Variants in PRLR observed in about 807,000 individuals in gnomAD.
PRLR encodes prolactin receptor.
PRLR carries 13 observed loss-of-function variants against 40.2 expected under a neutral mutation model. The observed-to-expected ratio is 0.32, with a 90% confidence interval of 0.21 to 0.51. The LOEUF (loss-of-function observed/expected upper bound fraction) is 0.51. Among genes scored for constraint, PRLR ranks in the 20% least tolerant of loss-of-function variants. The pLI is 0.97. For missense variants in PRLR, 656 were observed against 747.3 expected (o/e 0.88, Z 1.42); for synonymous variants, 269 against 278.7 (o/e 0.97, Z 0.35).
At position 35,084,469 on chromosome 5, in the gene PRLR, C is replaced by A; in HGVS notation, c.373+1G>T. On this transcript the variant is annotated splice_donor_variant, in intron 5 of 9. Coordinates refer to ENST00000618457, the MANE Select transcript of PRLR (RefSeq NM_000949.7). LOFTEE classifies it high-confidence loss of function. ...TCCTCACCCACTTTCCTTCCCCTTA[C>A]CTATGTAAGTCACGTCCACATAAAG... The A allele has an allele frequency of 6.4e-7, 1 of 1,560,772 alleles. No individual in the cohort carries two copies. Among genetic ancestry groups the A allele is most frequent in the Non-Finnish European group, 8.6e-7 (1 of 1,161,144 alleles).
At chr5:35,179,176 G>C (rs900084997) in intron 1 of PRLR, among the ~76,000 whole-genome samples, 2 of 152,142 alleles carry the variant, frequency 1.3e-5, no homozygotes, top group Non-Finnish European at 2.9e-5. Context: ...AGTTTTGAGA[G>C]AGAAAAACAC....
chr5:35,204,285 TTA>T (rs761727265), intron 1 of PRLR, among the ~76,000 whole-genome samples: 75 of 151,932 alleles, frequency 4.9e-4, no homozygotes, highest in Non-Finnish European at 8.5e-4. Context: ...GAATGTAATG[TTA>T]TCTTACTCTT....
At chr5:35,078,988 G>C (rs945406949) in intron 5 of PRLR, among the ~76,000 whole-genome samples, 9 of 152,090 alleles carry the variant, frequency 5.9e-5, no homozygotes, top group African/African-American at 1.9e-4. Context: ...TGCAGAAAAG[G>C]CCTTTGACAA....
intron 1 of PRLR, among the ~76,000 whole-genome samples, chr5:35,121,104 A>T (rs183328453): frequency 6.6e-6 from 1 of 152,242 alleles, no homozygotes; most frequent in East Asian, 1.9e-4. Context: ...TGTAAAAACC[A>T]TGGGGGGGTA....
chr5:35,099,113 T>C (rs1394692392), intron 2 of PRLR, among the ~76,000 whole-genome samples: 2 of 152,260 alleles, frequency 1.3e-5, no homozygotes, highest in Non-Finnish European at 2.9e-5. Context: ...CATCAGAATT[T>C]GGTTTTCTTT....
At chr5:35,192,302 G>A (rs188385277) in intron 1 of PRLR, among the ~76,000 whole-genome samples, 49 of 152,230 alleles carry the variant, frequency 3.2e-4, no homozygotes, top group African/African-American at 1.2e-3. Flanking sequence ...GTTCTTTAAT[G>A]TCCCTGGAAA....
chr5:35,218,175 G>C (rs1422894878), intron 1 of PRLR, among the ~76,000 whole-genome samples: 4 of 152,078 alleles, frequency 2.6e-5, no homozygotes, highest in Admixed American at 2.6e-4. Context: ...CTATATGTAT[G>C]GATTTCTGTT....
chr5:35,129,503 A>G (rs543097609), intron 1 of PRLR, among the ~76,000 whole-genome samples: 1 of 152,256 alleles, frequency 6.6e-6, no homozygotes, highest in South Asian at 2.1e-4. Flanking sequence ...GATTTACACA[A>G]AGGTCAAGGG....
intron 3 of PRLR, among the ~76,000 whole-genome samples, chr5:35,087,424 G>C (rs990559685): frequency 1.4e-5 from 2 of 138,258 alleles, no homozygotes; most frequent in Non-Finnish European, 3.2e-5. Flanking sequence ...TCTTTCCTTT[G>C]TGTGTGTGTG....
chr5:35,131,182 C>A (rs1773657558), intron 1 of PRLR, among the ~76,000 whole-genome samples: 1 of 152,118 alleles, frequency 6.6e-6, no homozygotes, highest in Non-Finnish European at 1.5e-5. Context: ...CTTATATGAA[C>A]CAATTTAAAA....
intron 1 of PRLR, among the ~76,000 whole-genome samples, chr5:35,154,782 G>A (rs1011321474): frequency 2.6e-5 from 4 of 152,026 alleles, no homozygotes; most frequent in Non-Finnish European, 4.4e-5. Flanking sequence ...AATGTGGTAC[G>A]TATACACCAT....
At position 35,150,924 on chromosome 5, in the gene PRLR, GCTA is replaced by G. The variant is rs372436463; in HGVS notation, c.-105-32805_-105-32803del. 2.5e-4 allele frequency among the ~76,000 whole-genome samples: 38 copies of G among 152,268 alleles called. No homozygotes were observed. In the East Asian group the frequency reaches 6.6e-3, roughly 26 times the overall value. On this transcript the variant is annotated intron_variant, in intron 1 of 9. Coordinates refer to ENST00000618457, the MANE Select transcript of PRLR (RefSeq NM_000949.7). ...GCAGCTGCATTCCCTCCAGGAACAA[GCTA>G]CTGATAGTTGCTAATAGTAGGCATA...
chr5:35,167,648 A>G (rs187184439), intron 1 of PRLR, among the ~76,000 whole-genome samples: 28 of 152,194 alleles, frequency 1.8e-4, no homozygotes, highest in Non-Finnish European at 3.4e-4. Context: ...TTTTAATAAT[A>G]TATGTAGAAT....
At chr5:35,226,504 C>T (rs1776555995) in intron 1 of PRLR, among the ~76,000 whole-genome samples, 1 of 152,212 alleles carries the variant, frequency 6.6e-6, no homozygotes, top group Non-Finnish European at 1.5e-5. Context: ...ATAATTCCCC[C>T]TATATACAAG....
chr5:35,091,607 T>C (rs1455590977), intron 2 of PRLR, among the ~76,000 whole-genome samples: 3 of 152,190 alleles, frequency 2.0e-5, no homozygotes, highest in African/African-American at 4.8e-5. Flanking sequence ...ATTCCCCCTC[T>C]GTGGGAGAGA....
chr5:35,156,430 C>T (rs7732013), intron 1 of PRLR, among the ~76,000 whole-genome samples: 21,221 of 152,164 alleles, frequency 0.14, 3,255 homozygotes, highest in African/African-American at 0.38. Context: ...TTAAATCATA[C>T]ACTTTTCTGC....
chr5:35,194,131 G>A (rs1335241266), intron 1 of PRLR, among the ~76,000 whole-genome samples: 1 of 152,178 alleles, frequency 6.6e-6, no homozygotes, highest in African/African-American at 2.4e-5. Flanking sequence ...ACTGGCTCAG[G>A]GGCTGCTAGG....
chr5:35,158,834 AG>A (rs1774588406), intron 1 of PRLR, among the ~76,000 whole-genome samples: 1 of 152,352 alleles, frequency 6.6e-6, no homozygotes, highest in African/African-American at 2.4e-5. Flanking sequence ...TTATCAGAGC[AG>A]GATGTTAACA....
chr5:35,203,149 G>C (rs1203635345), intron 1 of PRLR, among the ~76,000 whole-genome samples: 2 of 152,172 alleles, frequency 1.3e-5, no homozygotes, highest in Non-Finnish European at 2.9e-5. Flanking sequence ...CCAATTACCA[G>C]TCCACCTTGT....
Sources: gnomAD v4.1 joint callset for allele counts (sites outside exome capture counted in the v4.1 genomes callset) on GRCh38, gnomAD v4.1.1 for gene constraint, MANE v1.5 for transcripts, NCBI Gene and HGNC (gene_info 2026-07-23, HGNC 2026-07-21) for gene names.